ASIC2: variants seen among roughly 807,000 people sequenced by gnomAD.
ASIC2 encodes the protein acid-sensing ion channel 2.
In ASIC2, 25 loss-of-function variants were observed where a neutral mutation model predicts 57.3. That is an observed-to-expected ratio of 0.44 (90% confidence interval 0.32 to 0.61). The LOEUF (loss-of-function observed/expected upper bound fraction) is 0.61. Ranked by LOEUF, ASIC2 falls within the 20% of genes least tolerant of loss-of-function variation. The pLI is 0.06. For synonymous variants in ASIC2, 319 were observed against 307.5 expected (o/e 1.04, Z -0.39); for missense variants, 641 against 738.1 (o/e 0.87, Z 1.52).
intron 1 of ASIC2, among the ~76,000 whole-genome samples, chr17:33,240,476 G>A (rs1196270282): frequency 6.6e-6 from 1 of 152,208 alleles, no homozygotes; most frequent in African/African-American, 2.4e-5. Context: ...CCAGAGAGAT[G>A]GGAGATGCTT....
Position 34,126,169 on chromosome 17 carries a change from G to A in ASIC2, c.555+29809C>T, listed in dbSNP as rs564134276. ...CAGGGGAAGACAGAGCCATTATACA[G>A]GAAGAGGCTTGGCCCTGAGCTGTCA... is the stretch of plus-strand genomic sequence containing the variant. On this transcript the variant is annotated intron_variant, in intron 1 of 9. Transcript: ENST00000359872. Among the ~76,000 whole-genome samples the A allele has an allele frequency of 2.6e-5, 4 of 152,322 alleles. No individual in the cohort carries two copies. In the South Asian group the frequency reaches 8.3e-4, roughly 32 times the overall value.
intron 1 of ASIC2, among the ~76,000 whole-genome samples, chr17:33,929,571 C>T (rs1263623150): frequency 2.6e-5 from 4 of 152,216 alleles, no homozygotes; most frequent in Non-Finnish European, 5.9e-5. Flanking sequence ...ATCTCGTGGG[C>T]TCTGAGCAGA....
intron 1 of ASIC2, among the ~76,000 whole-genome samples, chr17:34,052,618 CTTT>C (rs554412437): frequency 3.5e-5 from 5 of 142,324 alleles, no homozygotes; most frequent in Admixed American, 1.4e-4. Context: ...ATGAATCTCA[CTTT>C]TTTTTTTTTT....
At chr17:33,180,929 G>A (rs1905955966) in intron 1 of ASIC2, among the ~76,000 whole-genome samples, 1 of 152,158 alleles carries the variant, frequency 6.6e-6, no homozygotes. Flanking sequence ...GCAGGCAGAA[G>A]GGCCACGCGG....
At chr17:33,678,509 A>G (rs1597832381) in intron 1 of ASIC2, among the ~76,000 whole-genome samples, 1 of 150,636 alleles carries the variant, frequency 6.6e-6, no homozygotes, top group Non-Finnish European at 1.5e-5. Flanking sequence ...CAGAAGGAGG[A>G]AGAGAGGAAT....
chr17:33,868,409 T>C (rs1203990982), intron 1 of ASIC2, among the ~76,000 whole-genome samples: 1 of 152,098 alleles, frequency 6.6e-6, no homozygotes, highest in African/African-American at 2.4e-5. Flanking sequence ...AGCACAAGAA[T>C]GAAGTCAGAC....
At chr17:33,675,429 C>T (rs990383180) in intron 1 of ASIC2, among the ~76,000 whole-genome samples, 1 of 152,204 alleles carries the variant, frequency 6.6e-6, no homozygotes, top group African/African-American at 2.4e-5. Flanking sequence ...CTGTTTGTTC[C>T]AAGGAATCAT....
At chr17:34,099,041 T>C (rs1009377135) in intron 1 of ASIC2, among the ~76,000 whole-genome samples, 11 of 148,964 alleles carry the variant, frequency 7.4e-5, no homozygotes, top group African/African-American at 2.7e-4. Flanking sequence ...AGCAATAGAT[T>C]AGCCTGCTAG....
At chr17:33,817,895 G>A (rs997541695) in intron 1 of ASIC2, among the ~76,000 whole-genome samples, 4 of 152,250 alleles carry the variant, frequency 2.6e-5, no homozygotes, top group East Asian at 1.9e-4. Context: ...AGGCCAGAGC[G>A]CTGCTACTGC....
At chr17:33,601,266 AT>A (rs1249920235) in intron 1 of ASIC2, among the ~76,000 whole-genome samples, 1 of 152,244 alleles carries the variant, frequency 6.6e-6, no homozygotes, top group Non-Finnish European at 1.5e-5. Flanking sequence ...TACCAAAAGA[AT>A]AGGAGAAAGA....
intron 1 of ASIC2, among the ~76,000 whole-genome samples, chr17:33,549,093 T>C (rs567152871): frequency 3.9e-5 from 6 of 152,358 alleles, no homozygotes; most frequent in Admixed American, 3.3e-4. Flanking sequence ...TGGAACTGTA[T>C]GTTTCCTTGA....
intron 1 of ASIC2, among the ~76,000 whole-genome samples, chr17:34,093,587 A>G (rs8081694): frequency 0.2 from 30,362 of 152,196 alleles, 4,047 homozygotes; most frequent in African/African-American, 0.38. Context: ...GACCTGATAC[A>G]CTTTGAATAT....
Position 33,784,180 on chromosome 17 carries a change from C to A in ASIC2, c.555+371798G>T, listed in dbSNP as rs905328652. On this transcript the variant is annotated intron_variant, in intron 1 of 9. Coordinates refer to the ASIC2 transcript ENST00000359872. Reference sequence around the variant, plus strand: ...CACTCATTAGGTTAAAGGCCTTGGGCCAGGTATCTCATCATACCCAGTCCT... The same window carrying A: ...CACTCATTAGGTTAAAGGCCTTGGGACAGGTATCTCATCATACCCAGTCCT... 6.6e-5 allele frequency among the ~76,000 whole-genome samples: 10 copies of A among 152,274 alleles called. No individual in the cohort carries two copies. The East Asian group carries it at 1.9e-3, about 29-fold the overall frequency.
chr17:33,859,830 G>C (rs765796152), intron 1 of ASIC2, among the ~76,000 whole-genome samples: 1 of 152,146 alleles, frequency 6.6e-6, no homozygotes, highest in Non-Finnish European at 1.5e-5. Flanking sequence ...GAATACAGGT[G>C]CATGTGCTAC....
intron 1 of ASIC2, among the ~76,000 whole-genome samples, chr17:33,331,776 T>C (rs1567825389): frequency 6.6e-6 from 1 of 152,238 alleles, no homozygotes; most frequent in Non-Finnish European, 1.5e-5. Context: ...CAACCTATTG[T>C]TATCCCTATT....
At chr17:34,043,320 G>A (rs1908210552) in intron 1 of ASIC2, among the ~76,000 whole-genome samples, 1 of 152,078 alleles carries the variant, frequency 6.6e-6, no homozygotes, top group African/African-American at 2.4e-5. Flanking sequence ...ATTTTTTAAA[G>A]GTTATTACAT....
At position 33,702,810 on chromosome 17, in the gene ASIC2, A is replaced by C. The variant is rs114084939; in HGVS notation, c.555+453168T>G. 3.3e-3 allele frequency among the ~76,000 whole-genome samples: 504 copies of C among 152,328 alleles called. 3 individuals are homozygous for C. Among genetic ancestry groups the C allele is most frequent in the African/African-American group, 0.011 (445 of 41,578 alleles). On this transcript the variant is annotated intron_variant, in intron 1 of 9. Coordinates refer to the ASIC2 transcript ENST00000359872. ...TGTTGCCTCCCCTGGAAGTGAATCT[A>C]GGAGATTTAATGATTCATTCACTCA... is the stretch of plus-strand genomic sequence containing the variant.
chr17:34,090,328 T>C (rs1910280771), intron 1 of ASIC2, among the ~76,000 whole-genome samples: 1 of 152,140 alleles, frequency 6.6e-6, no homozygotes, highest in Non-Finnish European at 1.5e-5. Flanking sequence ...CTATTGTATT[T>C]ATAAATGAAG....
rs972063349 is a variant in ASIC2, at chr17:33,986,008, C to A, written c.555+169970G>T. Among the ~76,000 whole-genome samples, 3 of 152,216 alleles carry A rather than the reference C, an allele frequency of 2.0e-5. No homozygotes were observed. In the South Asian group the frequency reaches 6.2e-4, roughly 32 times the overall value. On this transcript the variant is annotated intron_variant, in intron 1 of 9. Transcript: ENST00000359872. ...AGGCCACCTTTTAGATGAGACTGCT[C>A]TAACCACCCTATGGAATTTCATAAC... is the stretch of plus-strand genomic sequence containing the variant.
Sources: gnomAD v4.1 joint callset for allele counts (sites outside exome capture counted in the v4.1 genomes callset) on GRCh38, gnomAD v4.1.1 for gene constraint, MANE v1.5 for transcripts, NCBI Gene and HGNC (gene_info 2026-07-23, HGNC 2026-07-21) for gene names.